The following SMG6 variants were observed in gnomAD, a reference collection of about 807,000 sequenced individuals.
SMG6 encodes the protein telomerase-binding protein EST1A.
In SMG6, 66 loss-of-function variants were observed where a neutral mutation model predicts 142.2. The ratio of observed to expected loss-of-function variants is 0.46; its 90% confidence interval spans 0.38 to 0.57. The LOEUF (loss-of-function observed/expected upper bound fraction) is 0.57. Ranked by LOEUF, SMG6 falls within the 20% of genes least tolerant of loss-of-function variation. SMG6 has a pLI of 0.00. For missense variants in SMG6, 1,793 were observed against 1,832.0 expected (o/e 0.98, Z 0.39); for synonymous variants, 779 against 702.4 (o/e 1.11, Z -1.72).
chr17:2,076,009 C>A (rs547835299), intron 15 of SMG6, among the ~76,000 whole-genome samples: 1 of 152,318 alleles, frequency 6.6e-6, no homozygotes, highest in South Asian at 2.1e-4. Context: ...CCTCACCTCC[C>A]CCATGCTCAC....
At chr17:2,242,361 A>AAG (rs1408159127) in intron 9 of SMG6, among the ~76,000 whole-genome samples, 4 of 136,738 alleles carry the variant, frequency 2.9e-5, no homozygotes, top group African/African-American at 1.1e-4. Flanking sequence ...AGATACAAAA[A>AAG]AAAAAAAAAA....
chr17:2,065,948 T>G, intron 16 of SMG6: 1 of 520,174 alleles, frequency 1.9e-6, no homozygotes, highest in East Asian at 3.3e-5. Context: ...GGAGCTGCTG[T>G]ATTTAGAGGA....
At chr17:2,234,293 C>T (rs1020849115) in intron 10 of SMG6, among the ~76,000 whole-genome samples, 2 of 151,888 alleles carry the variant, frequency 1.3e-5, no homozygotes, top group African/African-American at 4.8e-5. Flanking sequence ...GATGGAGTCT[C>T]ACTCTGCTGC....
chr17:2,181,079 C>G (rs2071792057), intron 12 of SMG6, among the ~76,000 whole-genome samples: 1 of 152,152 alleles, frequency 6.6e-6, no homozygotes, highest in South Asian at 2.1e-4. Flanking sequence ...GTGTGTTATT[C>G]TCTATGACCT....
At chr17:2,188,362 T>G in intron 11 of SMG6, 37 bp downstream of exon 11, 1 of 1,584,744 alleles carries the variant, frequency 6.3e-7, no homozygotes, top group South Asian at 1.1e-5. Context: ...GCCAGGCAAC[T>G]GGAAAGCCCA....
intron 13 of SMG6, among the ~76,000 whole-genome samples, chr17:2,136,553 G>A (rs536985046): frequency 6.6e-6 from 1 of 152,122 alleles, no homozygotes; most frequent in South Asian, 2.1e-4. Context: ...TGGATTTAAT[G>A]ATCTTTCCAG....
intron 13 of SMG6, 115 bp downstream of exon 13, chr17:2,172,543 C>T: frequency 9.0e-7 from 1 of 1,107,562 alleles, no homozygotes; most frequent in Non-Finnish European, 1.3e-6. Flanking sequence ...TCCCTTAACA[C>T]CCTTCTCAAT....
chr17:2,126,752 A>C (rs933988870), intron 13 of SMG6, among the ~76,000 whole-genome samples: 1 of 151,606 alleles, frequency 6.6e-6, no homozygotes, highest in Non-Finnish European at 1.5e-5. Flanking sequence ...GACTTTATCA[A>C]AATTAAACAC....
chr17:2,082,774 T>C (rs1567583173), intron 14 of SMG6, among the ~76,000 whole-genome samples: 2 of 152,210 alleles, frequency 1.3e-5, no homozygotes, highest in Admixed American at 6.5e-5. Context: ...CTGCCCAAGA[T>C]AGCTTCCTTT....
rs981128551 is a variant in SMG6, at chr17:2,303,753, C to A, written c.-33G>T. On this transcript the variant is annotated 5_prime_UTR_variant, in exon 1 of 19. Transcript: ENST00000263073. ...GCTGCTGCTACAGCCGTAGCGGCTC[C>A]GCCACCGCCGCGCGCAGCCAGGAAA... 35 of 1,475,638 alleles carry A rather than the reference C, an allele frequency of 2.4e-5. 1 individual carries two copies. In the African/African-American group the frequency reaches 2.6e-4, roughly 11 times the overall value. 91.4% of individuals were successfully genotyped at this position (1,475,638 alleles called of 1,614,324 possible).
chr17:2,118,897 CTT>C (rs57747544), intron 13 of SMG6, among the ~76,000 whole-genome samples: 311 of 129,116 alleles, frequency 2.4e-3, no homozygotes, highest in Admixed American at 2.8e-3. Context: ...CTCAATGTAG[CTT>C]TTTTTTTTTT....
chr17:2,289,947 T>TATATATATAC (rs2074995628), intron 6 of SMG6, among the ~76,000 whole-genome samples: 1 of 139,754 alleles, frequency 7.2e-6, no homozygotes, highest in Non-Finnish European at 1.5e-5. Context: ...TATACATATA[T>TATATATATAC]ATATATATAT....
chr17:2,086,094 G>A (rs1047554524), intron 13 of SMG6, among the ~76,000 whole-genome samples, 193 bp from the exon 14 acceptor site: 1 of 152,148 alleles, frequency 6.6e-6, no homozygotes, highest in East Asian at 1.9e-4. Flanking sequence ...GCAGGCTGAG[G>A]ATCAAGATCT....
Position 2,163,095 on chromosome 17 carries a change from G to A in SMG6, c.3357+9563C>T, listed in dbSNP as rs982255440. ...GATCCTCCTGCCTCAGCCTCCTGAAGTACTGGCGTTACAGGTGTGAGCCAA... is the reference window on the plus strand; with the variant it reads ...GATCCTCCTGCCTCAGCCTCCTGAAATACTGGCGTTACAGGTGTGAGCCAA... On this transcript the variant is annotated intron_variant, in intron 13 of 18. Transcript: ENST00000263073. Among the ~76,000 whole-genome samples the A allele has an allele frequency of 4.6e-5, 7 of 152,092 alleles. No homozygotes were observed. In the South Asian group the frequency reaches 1.0e-3, roughly 23 times the overall value.
intron 13 of SMG6, chr17:2,089,911 C>CG (rs2068666545): frequency 2.6e-5 from 4 of 152,144 alleles, no homozygotes; most frequent in Non-Finnish European, 5.9e-5. Flanking sequence ...TGACTGGGCA[C>CG]GGTAGCTCAC....
chr17:2,269,669 T>C (rs1424278330), intron 8 of SMG6, among the ~76,000 whole-genome samples: 11 of 152,090 alleles, frequency 7.2e-5, no homozygotes, highest in African/African-American at 2.7e-4. Context: ...GAAAGAAAAC[T>C]GTCCTTCTCA....
intron 13 of SMG6, among the ~76,000 whole-genome samples, chr17:2,149,299 G>T (rs1485402582): frequency 7.9e-6 from 1 of 126,150 alleles, no homozygotes; most frequent in African/African-American, 3.1e-5. Context: ...GCAGTGAGCC[G>T]AGATCACACC....
intron 10 of SMG6, among the ~76,000 whole-genome samples, chr17:2,203,432 G>A (rs1017336010): frequency 6.6e-6 from 1 of 152,166 alleles, no homozygotes; most frequent in African/African-American, 2.4e-5. Flanking sequence ...AGATCTTGCA[G>A]GACAGAGTTT....
At chr17:2,170,097 T>C (rs975809132) in intron 13 of SMG6, among the ~76,000 whole-genome samples, 6 of 152,128 alleles carry the variant, frequency 3.9e-5, no homozygotes, top group Admixed American at 3.9e-4. Flanking sequence ...GAAGACCAGG[T>C]TGGCGGGCAG....
Sources: gnomAD v4.1 joint callset for allele counts (sites outside exome capture counted in the v4.1 genomes callset) on GRCh38, gnomAD v4.1.1 for gene constraint, MANE v1.5 for transcripts, NCBI Gene and HGNC (gene_info 2026-07-23, HGNC 2026-07-21) for gene names.